HS3ST5: variants seen among roughly 807,000 people sequenced by gnomAD.
The protein encoded by HS3ST5 is heparan sulfate-glucosamine 3-sulfotransferase 5.
Under a neutral mutation model 25.4 loss-of-function variants are expected in HS3ST5, and 10 were observed. That is an observed-to-expected ratio of 0.39 (90% CI 0.24 to 0.67). The LOEUF is 0.67. Among genes scored for constraint, HS3ST5 ranks in the 30% least tolerant of loss-of-function variants. The pLI, the probability that HS3ST5 is intolerant of heterozygous loss-of-function variation, is 0.44. For missense variants in HS3ST5, 324 were observed against 420.7 expected, an observed-to-expected ratio of 0.77 and a Z score of 2.01; for synonymous variants, 170 against 162.4, an observed-to-expected ratio of 1.05 and a Z score of -0.36.
intron 3 of HS3ST5, among the ~76,000 whole-genome samples, chr6:114,150,252 T>G (rs961283314): frequency 6.6e-6 from 1 of 152,236 alleles, no homozygotes; most frequent in Non-Finnish European, 1.5e-5. Context: ...GTGCACACTG[T>G]GGTATTCACA....
chr6:114,071,179 C>T (rs976832029), intron 3 of HS3ST5, among the ~76,000 whole-genome samples: 7 of 152,186 alleles, frequency 4.6e-5, no homozygotes, highest in African/African-American at 1.7e-4. Flanking sequence ...TAAGATTTCC[C>T]TTGCTTGAAA....
intron 3 of HS3ST5, among the ~76,000 whole-genome samples, chr6:114,091,548 G>A (rs299406): frequency 1.3e-5 from 2 of 151,920 alleles, no homozygotes; most frequent in African/African-American, 4.8e-5. Context: ...GCTGGGCATC[G>A]TGGTGGGCAC....
At chr6:114,139,123 T>A (rs959060084) in intron 3 of HS3ST5, among the ~76,000 whole-genome samples, 13 of 152,212 alleles carry the variant, frequency 8.5e-5, no homozygotes, top group African/African-American at 3.1e-4. Flanking sequence ...GGAATATCTT[T>A]GCCCTGTTGC....
At chr6:114,130,572 AT>A (rs928840719) in intron 3 of HS3ST5, among the ~76,000 whole-genome samples, 1 of 151,262 alleles carries the variant, frequency 6.6e-6, no homozygotes, top group African/African-American at 2.4e-5. Context: ...TGTTGTTACA[AT>A]TTTTTTTTCT....
intron 4 of HS3ST5, chr6:114,059,769 C>T (rs1772988735): frequency 1.3e-5 from 2 of 152,220 alleles, no homozygotes; most frequent in South Asian, 2.1e-4. Flanking sequence ...GTCAATTAAA[C>T]CTTTTTTCTT....
chr6:114,312,021 C>G (rs1173935809), intron 1 of HS3ST5, among the ~76,000 whole-genome samples: 1 of 152,152 alleles, frequency 6.6e-6, no homozygotes, highest in Non-Finnish European at 1.5e-5. Flanking sequence ...GCAGATTCAC[C>G]TTTCCAATGA....
At chr6:114,106,005 G>A (rs993335312) in intron 3 of HS3ST5, among the ~76,000 whole-genome samples, 1 of 152,042 alleles carries the variant, frequency 6.6e-6, no homozygotes, top group Admixed American at 6.6e-5. Flanking sequence ...TGTTGTTTTC[G>A]ATTTGGGCTC....
At chr6:114,255,417 G>C (rs1024416687) in intron 1 of HS3ST5, among the ~76,000 whole-genome samples, 1 of 152,070 alleles carries the variant, frequency 6.6e-6, no homozygotes. Flanking sequence ...GGCTTTTCCA[G>C]GTGCACGGTC....
chr6:114,241,778 T>A lies in HS3ST5; in HGVS notation c.-338-13000A>T, dbSNP rs537100795. ...GGTGGGGGTGTATAATAGAGAACTGTTAGAATAAGGAGAAGTGATGCTGTA... is the reference window on the plus strand; with the variant it reads ...GGTGGGGGTGTATAATAGAGAACTGATAGAATAAGGAGAAGTGATGCTGTA... On this transcript the variant is annotated intron_variant, in intron 1 of 4. Coordinates refer to ENST00000312719, the MANE Select transcript of HS3ST5 (RefSeq NM_153612.4). 1.7e-4 allele frequency among the ~76,000 whole-genome samples: 26 copies of A among 152,246 alleles called. No homozygotes were observed. In the South Asian group the frequency reaches 5.4e-3, roughly 32 times the overall value.
At chr6:114,187,452 G>A (rs1319666100) in intron 2 of HS3ST5, among the ~76,000 whole-genome samples, 1 of 152,198 alleles carries the variant, frequency 6.6e-6, no homozygotes, top group Non-Finnish European at 1.5e-5. Flanking sequence ...TGCAGTTATG[G>A]TGGAAATTAG....
intron 1 of HS3ST5, among the ~76,000 whole-genome samples, chr6:114,305,508 A>G (rs1465645776): frequency 2.6e-5 from 4 of 152,130 alleles, no homozygotes; most frequent in African/African-American, 9.7e-5. Flanking sequence ...CTAGCAACTC[A>G]AAGGACCCAC....
intron 1 of HS3ST5, among the ~76,000 whole-genome samples, chr6:114,308,313 C>G (rs1015661299): frequency 1.3e-5 from 2 of 152,136 alleles, no homozygotes; most frequent in Non-Finnish European, 2.9e-5. Context: ...TGGCAGGGCG[C>G]GGTGGCTCAT....
chr6:114,265,727 C>T (rs896764430), intron 1 of HS3ST5, among the ~76,000 whole-genome samples: 1 of 152,172 alleles, frequency 6.6e-6, no homozygotes, highest in African/African-American at 2.4e-5. Context: ...ATATACCTAA[C>T]ACATTTGGCT....
chr6:114,323,281 T>A (rs1776040879), intron 1 of HS3ST5, among the ~76,000 whole-genome samples: 1 of 152,176 alleles, frequency 6.6e-6, no homozygotes, highest in Non-Finnish European at 1.5e-5. Context: ...ATAGCATATG[T>A]AAAACTGCCT....
intron 1 of HS3ST5, among the ~76,000 whole-genome samples, chr6:114,333,859 C>T (rs1389168134): frequency 6.6e-6 from 1 of 152,130 alleles, no homozygotes; most frequent in Non-Finnish European, 1.5e-5. Flanking sequence ...AAGTTGGTAT[C>T]ACACATCTAG....
intron 1 of HS3ST5, among the ~76,000 whole-genome samples, chr6:114,280,873 T>C (rs1009866443): frequency 2.6e-5 from 4 of 152,012 alleles, no homozygotes; most frequent in African/African-American, 9.7e-5. Context: ...CAAATCATCA[T>C]CGAACTAACA....
chr6:114,062,434 A>C (rs997777706), intron 4 of HS3ST5, among the ~76,000 whole-genome samples: 4 of 152,166 alleles, frequency 2.6e-5, no homozygotes, highest in Admixed American at 2.0e-4. Context: ...TCAACACCAG[A>C]TGCACACGGA....
intron 3 of HS3ST5, among the ~76,000 whole-genome samples, chr6:114,087,907 TA>T (rs1238881897): frequency 6.6e-6 from 1 of 152,150 alleles, no homozygotes; most frequent in Admixed American, 6.5e-5. Flanking sequence ...TAAAACCCCG[TA>T]ATAACTTTCC....
At chr6:114,084,833 CT>C (rs372362974) in intron 3 of HS3ST5, 42,242 of 470,200 alleles carry the variant, frequency 0.09, 1 homozygote, top group East Asian at 0.13. Context: ...CTTTTCTTTT[CT>C]TTTTTTTTTT....
Sources: allele counts gnomAD v4.1 joint callset (sites outside exome capture counted in the v4.1 genomes callset), GRCh38; gene constraint gnomAD v4.1.1; transcripts MANE v1.5; gene names NCBI Gene and HGNC (gene_info 2026-07-23, HGNC 2026-07-21).